OSGEPL1: variants seen among roughly 807,000 people sequenced by gnomAD.
OSGEPL1 encodes the protein O-sialoglycoprotein endopeptidase like 1.
Under a neutral mutation model 37.2 loss-of-function variants are expected in OSGEPL1, and 26 were observed. The observed-to-expected ratio is 0.70, with a 90% CI of 0.51 to 0.97. The LOEUF (loss-of-function observed/expected upper bound fraction) is 0.97. Ranked by LOEUF, OSGEPL1 falls within the 50% of genes least tolerant of loss-of-function variation. OSGEPL1 has a pLI of 0.00. For synonymous variants in OSGEPL1, 140 were observed against 159.9 expected (o/e 0.88, Z 0.94); for missense variants, 404 against 487.0 (o/e 0.83, Z 1.60).
intron 2 of OSGEPL1, 120 bp downstream of exon 2, chr2:189,761,300 A>G (rs1326530720): frequency 3.7e-6 from 4 of 1,070,014 alleles, no homozygotes; most frequent in African/African-American, 1.6e-5. Flanking sequence ...GCAGTTATTA[A>G]AAGTGTTTGC....
Position 189,761,669 on chromosome 2 carries a change from G to T in OSGEPL1, c.-20-9C>A. ...TACTCTATAGATAATTCCTGAAAAA[G>T]AATTACAGAAACAACTTATTATTTG... On this transcript the variant is annotated splice_polypyrimidine_tract_variant and intron_variant, in intron 1 of 8. Transcript: ENST00000264151. The T allele has an allele frequency of 4.7e-6, 7 of 1,496,250 alleles. No homozygotes were observed. The highest frequency in any genetic ancestry group is 6.2e-6 in the Non-Finnish European group (7 of 1,126,038). 92.7% of individuals were successfully genotyped at this position (1,496,250 alleles called of 1,614,324 possible).
chr2:189,753,006 A>G, intron 5 of OSGEPL1, 27 bp from the exon 6 acceptor site: 1 of 1,583,616 alleles, frequency 6.3e-7, no homozygotes, highest in Non-Finnish European at 8.6e-7. Flanking sequence ...AACCAAAATA[A>G]CTATCATATA....
intron 8 of OSGEPL1, among the ~76,000 whole-genome samples, chr2:189,749,047 C>T (rs1029833044): frequency 6.6e-6 from 1 of 151,964 alleles, no homozygotes; most frequent in Non-Finnish European, 1.5e-5. Flanking sequence ...GAGTTCGAGA[C>T]CAGCCTAGCC....
At position 189,752,734 on chromosome 2, in the gene OSGEPL1, A is replaced by G. The variant is rs1317336452; in HGVS notation, c.1095-10T>C. 6.2e-7 allele frequency: 1 copy of G among 1,613,932 alleles called. No individual in the cohort carries two copies. The highest frequency in any genetic ancestry group is 8.5e-7 in the Non-Finnish European group (1 of 1,179,844). Reference sequence around the variant, plus strand: ...TCTTTCAATACCATTCCTAAATAAGAAGCATTAAAATAAAATCAATAGCTC... The same window carrying G: ...TCTTTCAATACCATTCCTAAATAAGGAGCATTAAAATAAAATCAATAGCTC... On this transcript the variant is annotated splice_polypyrimidine_tract_variant and intron_variant, in intron 6 of 8. Coordinates refer to ENST00000264151, the MANE Select transcript of OSGEPL1 (RefSeq NM_022353.3).
Position 189,755,252 on chromosome 2 carries a change from AAC to A in OSGEPL1, c.528_529del (p.Leu177GlyfsTer22). 6.2e-7 allele frequency: 1 copy of A among 1,613,668 alleles called. No homozygotes were observed. The highest frequency in any genetic ancestry group is 8.5e-7 in the Non-Finnish European group (1 of 1,179,768). On this transcript the variant is annotated frameshift_variant, in exon 3 of 9. Coordinates refer to ENST00000264151, the MANE Select transcript of OSGEPL1 (RefSeq NM_022353.3). LOFTEE classifies it high-confidence loss of function. ...ATCTGAAACTCCTTGAACTAATGCC[AAC>A]AGACAGTGACCTCCAGAAATCAAAA...
At chr2:189,751,714 G>A (rs1315977928) in intron 7 of OSGEPL1, among the ~76,000 whole-genome samples, 1 of 151,324 alleles carries the variant, frequency 6.6e-6, no homozygotes, top group Non-Finnish European at 1.5e-5. Flanking sequence ...CAAAGTGCTG[G>A]GATTACAGGC....
At position 189,761,671 on chromosome 2, in the gene OSGEPL1, A is replaced by G; in HGVS notation, c.-20-11T>C. ...CTCTATAGATAATTCCTGAAAAAGA[A>G]TTACAGAAACAACTTATTATTTGCA... is the stretch of plus-strand genomic sequence containing the variant. On this transcript the variant is annotated splice_polypyrimidine_tract_variant and intron_variant, in intron 1 of 8. Coordinates refer to ENST00000264151, the MANE Select transcript of OSGEPL1 (RefSeq NM_022353.3). 1 of 1,501,034 alleles carries G rather than the reference A, an allele frequency of 6.7e-7. No homozygotes were observed. Among genetic ancestry groups the G allele is most frequent in the Non-Finnish European group, 8.9e-7 (1 of 1,128,654 alleles). The allele number at this position is 1,501,034 out of a possible 1,614,324, so 93.0% of individuals were successfully genotyped here. A position where few individuals can be genotyped will look rare whatever the true frequency, so the allele number is the denominator to read the frequency against.
At chr2:189,762,866 A>T (rs1050007915), upstream of OSGEPL1, 4 of 985,328 alleles carry the variant, frequency 4.1e-6, no homozygotes, top group African/African-American at 7.0e-5. Context: ...TTAGTGAAGA[A>T]AAGCTTAAAG....
At position 189,762,720 on chromosome 2, in the gene OSGEPL1, C is replaced by G; in HGVS notation, c.-56G>C. The stretch of plus-strand genomic sequence containing the variant: ...GGCGGCAGTAGCTAGCACTTGTCTC[C>G]TTTCCCTACTAAAGACTGTCGACTG... On this transcript the variant is annotated 5_prime_UTR_variant, in exon 1 of 9. Transcript: ENST00000264151. The G allele has an allele frequency of 1.0e-6, 1 of 985,454 alleles. No homozygotes were observed. Among genetic ancestry groups the G allele is most frequent in the Non-Finnish European group, 1.2e-6 (1 of 829,992 alleles). The allele number at this position is 985,454 out of a possible 1,614,324, so 61.0% of individuals were successfully genotyped here. A position where few individuals can be genotyped will look rare whatever the true frequency, so the allele number is the denominator to read the frequency against.
At chr2:189,763,124 T>C (rs1427784881), upstream of OSGEPL1, 4 of 984,888 alleles carry the variant, frequency 4.1e-6, no homozygotes, top group Admixed American at 6.2e-5. Context: ...CATTCATTTT[T>C]AAGGGAACTA....
intron 8 of OSGEPL1, among the ~76,000 whole-genome samples, chr2:189,747,978 G>A (rs1462860433): frequency 2.0e-5 from 3 of 152,034 alleles, no homozygotes; most frequent in Non-Finnish European, 1.5e-5. Flanking sequence ...GAGCCACTGC[G>A]CCTGGCTTCA....
intron 1 of OSGEPL1, 95 bp from the exon 2 acceptor site, chr2:189,761,755 G>A (rs2047091798): frequency 4.5e-6 from 6 of 1,323,638 alleles, no homozygotes; most frequent in Admixed American, 3.5e-5. Context: ...AGGAAAGTTT[G>A]TAAAAGTCAC....
intron 2 of OSGEPL1, among the ~76,000 whole-genome samples, chr2:189,759,496 T>C (rs1225112): frequency 0.98 from 149,449 of 152,272 alleles, 73,399 homozygotes; most frequent in South Asian, 1. Flanking sequence ...ATGGTCCACT[T>C]GCCTCGGCCT....
chr2:189,753,571 C>T (rs1224643622), intron 5 of OSGEPL1, among the ~76,000 whole-genome samples: 1 of 152,010 alleles, frequency 6.6e-6, no homozygotes, highest in Non-Finnish European at 1.5e-5. Flanking sequence ...AAAAAACAAA[C>T]AAACAAAGGG....
rs780405705 is a variant in OSGEPL1, at chr2:189,754,189, G to T, written c.766C>A (p.Leu256Ile). The change falls in exon 4 of 9, where the codon CTT (leucine) becomes ATT (isoleucine). Residue 256 changes from leucine (L) to isoleucine (I), a missense_variant. Transcript: ENST00000264151. ...ATTATTTTATCAGTAACGTGTTGAAGTCCAGTAAAAGAAAAATCACAATTT... is the reference window on the plus strand; with the variant it reads ...ATTATTTTATCAGTAACGTGTTGAATTCCAGTAAAAGAAAAATCACAATTT... ...AKNCDFSFTG[L>I]QHVTDKIIMK... The T allele has an allele frequency of 6.2e-7, 1 of 1,613,746 alleles. No homozygotes were observed. The highest frequency in any genetic ancestry group is 1.1e-5 in the South Asian group (1 of 91,068).
chr2:189,751,048 G>A (rs761661427), intron 7 of OSGEPL1, among the ~76,000 whole-genome samples: 1 of 152,140 alleles, frequency 6.6e-6, no homozygotes, highest in Non-Finnish European at 1.5e-5. Flanking sequence ...AAATGTCCTA[G>A]GTTTCTATAG....
chr2:189,759,397 C>T (rs921445318), intron 2 of OSGEPL1, among the ~76,000 whole-genome samples: 2 of 152,208 alleles, frequency 1.3e-5, no homozygotes, highest in Middle Eastern at 3.4e-3. Flanking sequence ...TACAGGCGTC[C>T]GCCACCACGC....
At chr2:189,760,065 G>C in intron 2 of OSGEPL1, among the ~76,000 whole-genome samples, 1 of 152,186 alleles carries the variant, frequency 6.6e-6, no homozygotes, top group Non-Finnish European at 1.5e-5. Flanking sequence ...CAGAGAGCAC[G>C]GGGTTGGGGG....
At chr2:189,756,080 G>A (rs1296527763) in intron 2 of OSGEPL1, among the ~76,000 whole-genome samples, 1 of 152,204 alleles carries the variant, frequency 6.6e-6, no homozygotes, top group Non-Finnish European at 1.5e-5. Flanking sequence ...CAGCTATTCA[G>A]CTGGAATGAC....
Sources: gnomAD v4.1 joint callset for allele counts (sites outside exome capture counted in the v4.1 genomes callset) on GRCh38, gnomAD v4.1.1 for gene constraint, MANE v1.5 for transcripts, NCBI Gene and HGNC (gene_info 2026-07-23, HGNC 2026-07-21) for gene names.